EEIG1: variants seen among roughly 807,000 people sequenced by gnomAD.
EEIG1 encodes estrogen-induced osteoclastogenesis regulator 1.
At chr9:127,952,873 C>G in the EEIG1 span, among the ~76,000 whole-genome samples, 2 of 152,160 alleles carry the variant, frequency 1.3e-5, no homozygotes, top group Admixed American at 6.5e-5. Context: ...ACCACCACAC[C>G]TGGTTAATTT....
chr9:127,953,760 G>T, the EEIG1 span: 1 of 1,613,766 alleles, frequency 6.2e-7, no homozygotes, highest in African/African-American at 1.3e-5. Context: ...GAGGGGAGGG[G>T]CCTATAGCCC....
chr9:127,952,778 T>C, the EEIG1 span, among the ~76,000 whole-genome samples: 104 of 152,062 alleles, frequency 6.8e-4, no homozygotes, highest in African/African-American at 2.4e-3. Context: ...AGTGGCGCAA[T>C]CTCGGCTCTC....
chr9:127,966,998 T>C, the EEIG1 span, among the ~76,000 whole-genome samples: 1 of 152,198 alleles, frequency 6.6e-6, no homozygotes, highest in Non-Finnish European at 1.5e-5. Flanking sequence ...TGGGCATCTG[T>C]CACGCTAGCG....
chr9:127,945,522 G>C, the EEIG1 span: 1 of 1,569,578 alleles, frequency 6.4e-7, no homozygotes, highest in Non-Finnish European at 8.6e-7. This position sits in a 1 kb window ranked among gnomAD's most constrained non-coding sequence, Gnocchi z 6.5. Flanking sequence ...GGTGCGTCAG[G>C]TCTGAGAGGC....
chr9:127,976,306 T>G, the EEIG1 span, among the ~76,000 whole-genome samples: 2 of 152,312 alleles, frequency 1.3e-5, no homozygotes, highest in East Asian at 3.9e-4. The surrounding 1 kb of genome is among the most constrained non-coding windows in gnomAD (Gnocchi z 4.1). Flanking sequence ...CTTCCTCACC[T>G]GTAAGTGGGG....
the EEIG1 span, chr9:127,953,371 G>A: frequency 3.4e-6 from 2 of 596,708 alleles, no homozygotes; most frequent in Non-Finnish European, 6.0e-6. Flanking sequence ...GTGGACTTCT[G>A]TACCATTTAT....
chr9:127,945,511 C>T, the EEIG1 span: 9 of 1,569,520 alleles, frequency 5.7e-6, no homozygotes, highest in African/African-American at 4.1e-5. The surrounding 1 kb of genome is among the most constrained non-coding windows in gnomAD (Gnocchi z 6.5). Context: ...CGTGTTGCGG[C>T]GGTGCGTCAG....
chr9:127,976,040 T>C, the EEIG1 span, among the ~76,000 whole-genome samples: 4 of 152,290 alleles, frequency 2.6e-5, no homozygotes, highest in East Asian at 7.7e-4. The surrounding 1 kb of genome is among the most constrained non-coding windows in gnomAD (Gnocchi z 4.1). Flanking sequence ...CTGGGGACAC[T>C]TTTCCTTGGA....
At chr9:127,969,834 A>G in the EEIG1 span, among the ~76,000 whole-genome samples, 1 of 152,172 alleles carries the variant, frequency 6.6e-6, no homozygotes, top group East Asian at 1.9e-4. Context: ...GATCTCCTCC[A>G]GGCTTCCGGG....
chr9:127,966,864 T>C, the EEIG1 span, among the ~76,000 whole-genome samples: 1 of 152,200 alleles, frequency 6.6e-6, no homozygotes, highest in Non-Finnish European at 1.5e-5. Flanking sequence ...GCAGGTCACA[T>C]GGGAGGTAAC....
chr9:127,949,311 CAAA>C, the EEIG1 span, among the ~76,000 whole-genome samples: 4 of 90,162 alleles, frequency 4.4e-5, no homozygotes, highest in Admixed American at 2.5e-4. Flanking sequence ...GACTCTGTCT[CAAA>C]AAAAAAAAAA....
the EEIG1 span, chr9:127,941,084 T>TGAGGACAGGGCTCCCACATGGGGAC: frequency 6.6e-6 from 1 of 152,250 alleles, no homozygotes; most frequent in Non-Finnish European, 1.5e-5. Flanking sequence ...ACAAGAGGGC[T>TGAGGACAGGGCTCCCACATGGGGAC]GAGGACAGGG....
the EEIG1 span, among the ~76,000 whole-genome samples, chr9:127,955,700 A>G: frequency 1.3e-5 from 2 of 152,202 alleles, no homozygotes; most frequent in Admixed American, 1.3e-4. Flanking sequence ...AGTTCCAAAG[A>G]GAGGAAACAG....
At chr9:127,944,552 G>T in the EEIG1 span, 2 of 1,205,848 alleles carry the variant, frequency 1.7e-6, no homozygotes, top group Non-Finnish European at 1.2e-6. Flanking sequence ...GTGGACTGTG[G>T]GGACTCTGCT....
At chr9:127,980,736 T>G in the EEIG1 span, among the ~76,000 whole-genome samples, 1 of 149,450 alleles carries the variant, frequency 6.7e-6, no homozygotes, top group African/African-American at 2.4e-5. Flanking sequence ...AGGAGGCGCG[T>G]CGGGGTCGCT....
the EEIG1 span, among the ~76,000 whole-genome samples, chr9:127,963,009 C>T: frequency 6.6e-6 from 1 of 152,144 alleles, no homozygotes; most frequent in Non-Finnish European, 1.5e-5. Context: ...TTGTTTTAAC[C>T]CAGAATCCTG....
chr9:127,978,638 G>A, the EEIG1 span, among the ~76,000 whole-genome samples: 7 of 151,896 alleles, frequency 4.6e-5, no homozygotes, highest in Non-Finnish European at 1.0e-4. Context: ...TCAGGAGTTC[G>A]AGACCAGCCT....
the EEIG1 span, among the ~76,000 whole-genome samples, chr9:127,964,192 G>A: frequency 2.0e-5 from 3 of 152,170 alleles, no homozygotes; most frequent in Non-Finnish European, 2.9e-5. Context: ...GTAAAAGGAC[G>A]ACTTACCCAT....
At chr9:127,978,860 A>T in the EEIG1 span, among the ~76,000 whole-genome samples, 780 of 152,018 alleles carry the variant, frequency 5.1e-3, 4 homozygotes, top group African/African-American at 0.017. Flanking sequence ...ATTAAAATTT[A>T]AAAAAAATTA....
Sources: allele counts gnomAD v4.1 joint callset (sites outside exome capture counted in the v4.1 genomes callset), GRCh38; gene constraint gnomAD v4.1.1; non-coding constraint Gnocchi (gnomAD v3.1); transcripts MANE v1.5; gene names NCBI Gene and HGNC (gene_info 2026-07-23, HGNC 2026-07-21).